Variants in ABI3BP observed in about 807,000 individuals in gnomAD.
The protein encoded by ABI3BP is target of Nesh-SH3.
ABI3BP carries 216 observed loss-of-function variants against 268.6 expected under a neutral mutation model. That is an observed-to-expected ratio of 0.80 (90% CI 0.72 to 0.90). The LOEUF is 0.90. Ranked by LOEUF, ABI3BP falls within the 40% of genes least tolerant of loss-of-function variation. The pLI, the probability that ABI3BP is intolerant of heterozygous loss-of-function variation, is 0.00. For missense variants in ABI3BP, 2,090 were observed against 2,182.4 expected, an observed-to-expected ratio of 0.96 and a Z score of 0.84; for synonymous variants, 730 against 730.0, an observed-to-expected ratio of 1.00 and a Z score of 0.00.
At chr3:100,840,927 A>G in intron 21 of ABI3BP, 69 bp from the exon 22 acceptor site, 7 of 1,259,280 alleles carry the variant, frequency 5.6e-6, no homozygotes, top group Non-Finnish European at 7.8e-6. Flanking sequence ...TATTTAAAAC[A>G]TGGAATATGC....
At chr3:100,784,131 A>G (rs1179726626) in intron 57 of ABI3BP, among the ~76,000 whole-genome samples, 1 of 152,206 alleles carries the variant, frequency 6.6e-6, no homozygotes, top group Non-Finnish European at 1.5e-5. Flanking sequence ...TAACATATAA[A>G]ATACTGAGCT....
chr3:100,932,964 G>T (rs949148774), intron 1 of ABI3BP, among the ~76,000 whole-genome samples: 1 of 151,910 alleles, frequency 6.6e-6, no homozygotes, highest in Non-Finnish European at 1.5e-5. Context: ...GGAGAGAAAG[G>T]AATCATCATT....
intron 29 of ABI3BP, among the ~76,000 whole-genome samples, chr3:100,833,938 T>C (rs565773028): frequency 8.6e-4 from 131 of 152,272 alleles, no homozygotes; most frequent in African/African-American, 2.9e-3. Context: ...TTTATATGAT[T>C]CCTACCCATC....
intron 1 of ABI3BP, among the ~76,000 whole-genome samples, chr3:100,985,020 A>T (rs1223305485): frequency 6.6e-6 from 1 of 151,906 alleles, no homozygotes. Context: ...TGGTTTTTCT[A>T]GTTGCTTCCA....
intron 2 of ABI3BP, among the ~76,000 whole-genome samples, chr3:100,921,739 GA>G (rs1470680079): frequency 6.6e-6 from 1 of 152,076 alleles, no homozygotes; most frequent in African/African-American, 2.4e-5. Context: ...CTTTTGCATG[GA>G]AAAGCAGTAA....
At chr3:100,884,885 G>T (rs575601704) in intron 6 of ABI3BP, among the ~76,000 whole-genome samples, 1 of 152,106 alleles carries the variant, frequency 6.6e-6, no homozygotes, top group Non-Finnish European at 1.5e-5. Context: ...CATGTCTGTG[G>T]TGGCTCTAAC....
Position 100,820,214 on chromosome 3 carries a change from A to G in ABI3BP, c.3031+6T>C. 6.5e-7 allele frequency: 1 copy of G among 1,535,262 alleles called. No individual in the cohort carries two copies. Among genetic ancestry groups the G allele is most frequent in the East Asian group, 2.4e-5 (1 of 40,900 alleles). Reference sequence around the variant, plus strand: ...TGAGCTACTTTAACCAGAAACCCAAATTTACCCAGTTTGGTTTGAGGAACC... The same window carrying G: ...TGAGCTACTTTAACCAGAAACCCAAGTTTACCCAGTTTGGTTTGAGGAACC... On this transcript the variant is annotated splice_donor_region_variant and intron_variant, in intron 40 of 67. Coordinates refer to ENST00000471714, the MANE Select transcript of ABI3BP (RefSeq NM_001375547.2).
chr3:100,935,569 A>G (rs556077355), intron 1 of ABI3BP, among the ~76,000 whole-genome samples: 1 of 152,172 alleles, frequency 6.6e-6, no homozygotes, highest in African/African-American at 2.4e-5. Flanking sequence ...TACTTTGGGC[A>G]GTATGGCCAT....
At chr3:100,895,757 T>C (rs979788614) in intron 4 of ABI3BP, among the ~76,000 whole-genome samples, 9 of 152,242 alleles carry the variant, frequency 5.9e-5, no homozygotes, top group African/African-American at 1.9e-4. Context: ...GCTAACCTAC[T>C]GGATTAGTCT....
intron 2 of ABI3BP, among the ~76,000 whole-genome samples, chr3:100,925,738 G>GT (rs1385017515): frequency 6.6e-6 from 1 of 151,812 alleles, no homozygotes; most frequent in Non-Finnish European, 1.5e-5. Context: ...TTCTTAAATG[G>GT]TTTTATTTGC....
intron 45 of ABI3BP, among the ~76,000 whole-genome samples, chr3:100,813,153 T>A (rs559637977): frequency 2.0e-5 from 3 of 152,294 alleles, no homozygotes; most frequent in Non-Finnish European, 4.4e-5. Flanking sequence ...AGTGTTGGGA[T>A]TACAGGTGTG....
chr3:100,757,969 C>G (rs1228006488), intron 63 of ABI3BP, among the ~76,000 whole-genome samples: 1 of 152,084 alleles, frequency 6.6e-6, no homozygotes, highest in Non-Finnish European at 1.5e-5. Context: ...AAATGAATAT[C>G]TAAATGGAAT....
chr3:100,914,515 C>A, intron 2 of ABI3BP: 1 of 448,268 alleles, frequency 2.2e-6, no homozygotes, highest in African/African-American at 2.0e-5. Context: ...TGTTCACAGG[C>A]CTGTTCTGAA....
Position 100,835,636 on chromosome 3 carries a change from A to G in ABI3BP, c.2156T>C (p.Val719Ala). The change falls in exon 28 of 68, where the codon GTA becomes GCA. Residue 719 changes from valine to alanine, a missense_variant. Coordinates refer to ENST00000471714, the MANE Select transcript of ABI3BP (RefSeq NM_001375547.2). ...TIVPTTDIEPVTVRTEATVTT... is the reference protein window; with the variant it reads ...TIVPTTDIEPATVRTEATVTT... Reference sequence around the variant, plus strand: ...CACTGTAGCCTCAGTTCTCACAGTTACAGGCTCAATGTCTGTGGTGGGAAC... The same window carrying G: ...CACTGTAGCCTCAGTTCTCACAGTTGCAGGCTCAATGTCTGTGGTGGGAAC... 6.5e-7 allele frequency: 1 copy of G among 1,535,380 alleles called. No individual in the cohort carries two copies. The highest frequency in any genetic ancestry group is 8.7e-7 in the Non-Finnish European group (1 of 1,146,382).
intron 2 of ABI3BP, among the ~76,000 whole-genome samples, chr3:100,909,024 T>G (rs10936428): frequency 0.98 from 149,371 of 152,252 alleles, 73,330 homozygotes; most frequent in East Asian, 1. Flanking sequence ...AAGGCTACAT[T>G]AACCAAAACA....
At chr3:100,833,933 A>G (rs1392336300) in intron 29 of ABI3BP, among the ~76,000 whole-genome samples, 2 of 152,122 alleles carry the variant, frequency 1.3e-5, no homozygotes, top group African/African-American at 2.4e-5. Context: ...CTCTGTTTAT[A>G]TGATTCCTAC....
rs9834358 is a variant in ABI3BP, at chr3:100,775,390, A to G, written c.4334-55T>C. The G allele has an allele frequency of 8.9e-4, 1,381 of 1,552,154 alleles. 5 individuals are homozygous for G. The African/African-American group carries it at 0.017, about 19-fold the overall frequency. ...TTATAGGAACACTGCCAAGTTTCCT[A>G]TAAACATTTATTTATTCCATAAATG... On this transcript the variant is annotated intron_variant, in intron 59 of 67. Transcript: ENST00000471714.
chr3:100,801,784 G>A (rs2152353452), intron 51 of ABI3BP, among the ~76,000 whole-genome samples: 1 of 152,260 alleles, frequency 6.6e-6, no homozygotes, highest in East Asian at 1.9e-4. Context: ...AGATGATAAT[G>A]AAACATTGTA....
intron 1 of ABI3BP, among the ~76,000 whole-genome samples, chr3:100,927,685 A>G (rs144413741): frequency 2.6e-4 from 39 of 152,242 alleles, no homozygotes; most frequent in African/African-American, 8.4e-4. Context: ...AAACTCTATC[A>G]CTAGGGGGAG....
Sources: gnomAD v4.1 joint callset for allele counts (sites outside exome capture counted in the v4.1 genomes callset) on GRCh38, gnomAD v4.1.1 for gene constraint, MANE v1.5 for transcripts, NCBI Gene and HGNC (gene_info 2026-07-23, HGNC 2026-07-21) for gene names.